Variants in PCDH17 observed in about 807,000 individuals in gnomAD.
PCDH17 encodes protocadherin-17.
Under a neutral mutation model 67.7 loss-of-function variants are expected in PCDH17, and 21 were observed. That is an observed-to-expected ratio of 0.31 (90% CI 0.22 to 0.45). The LOEUF is 0.45. Ranked by LOEUF, PCDH17 falls within the 20% of genes least tolerant of loss-of-function variation. The probability of loss-of-function intolerance (pLI) is 1.00; values close to 1 mark genes in which losing one functional copy is unlikely to be tolerated. For synonymous variants in PCDH17, 701 were observed against 656.7 expected (o/e 1.07, Z -1.03); for missense variants, 1,471 against 1,564.8 (o/e 0.94, Z 1.01).
chr13:57,686,821 A>G (rs1593927111), intron 3 of PCDH17, among the ~76,000 whole-genome samples: 2 of 152,068 alleles, frequency 1.3e-5, no homozygotes, highest in South Asian at 4.1e-4. Context: ...TCCTCGAAAT[A>G]TGGCCTATGA....
At chr13:57,655,760 C>A (rs1258810630) in intron 1 of PCDH17, among the ~76,000 whole-genome samples, 1 of 151,966 alleles carries the variant, frequency 6.6e-6, no homozygotes, top group Middle Eastern at 3.4e-3. Flanking sequence ...CACATTAAAA[C>A]AATAACATGA....
At chr13:57,643,866 G>C (rs532221768) in intron 1 of PCDH17, among the ~76,000 whole-genome samples, 3 of 151,424 alleles carry the variant, frequency 2.0e-5, no homozygotes, top group Non-Finnish European at 3.0e-5. Context: ...TTGTAATCTT[G>C]GTTGATTAAA....
intron 1 of PCDH17, among the ~76,000 whole-genome samples, chr13:57,659,205 T>G (rs1449934061): frequency 1.3e-5 from 2 of 152,118 alleles, no homozygotes; most frequent in African/African-American, 2.4e-5. Flanking sequence ...TAGCAGCATT[T>G]ACTTAAATGG....
At chr13:57,698,313 A>G (rs996105331) in intron 3 of PCDH17, among the ~76,000 whole-genome samples, 1 of 151,770 alleles carries the variant, frequency 6.6e-6, no homozygotes, top group South Asian at 2.1e-4. Flanking sequence ...TTTTTTATTC[A>G]TATGCTTAAG....
At chr13:57,672,863 G>T (rs1022572617) in intron 3 of PCDH17, among the ~76,000 whole-genome samples, 21 of 151,872 alleles carry the variant, frequency 1.4e-4, no homozygotes, top group Admixed American at 9.2e-4. Context: ...TTATTCCTGT[G>T]GCCCAATAGC....
intron 3 of PCDH17, among the ~76,000 whole-genome samples, chr13:57,680,986 G>A (rs1473020129): frequency 6.6e-6 from 1 of 151,584 alleles, no homozygotes; most frequent in Non-Finnish European, 1.5e-5. Flanking sequence ...AGTAATAATT[G>A]GTAATGTAAA....
intron 3 of PCDH17, among the ~76,000 whole-genome samples, chr13:57,695,949 A>C (rs1454017525): frequency 6.6e-6 from 1 of 151,402 alleles, no homozygotes; most frequent in Non-Finnish European, 1.5e-5. Flanking sequence ...GGTTTAGTTT[A>C]ATCAGTTGCT....
At chr13:57,698,672 A>G (rs1955634151) in intron 3 of PCDH17, among the ~76,000 whole-genome samples, 2 of 131,042 alleles carry the variant, frequency 1.5e-5, no homozygotes, top group Non-Finnish European at 3.3e-5. Flanking sequence ...AAATATTCCA[A>G]CATATTTTCT....
intron 3 of PCDH17, among the ~76,000 whole-genome samples, chr13:57,667,118 G>T (rs1158658918): frequency 1.3e-5 from 2 of 151,826 alleles, no homozygotes; most frequent in Admixed American, 6.6e-5. Flanking sequence ...TTCCTATTTG[G>T]GGTTATACTA....
At chr13:57,650,861 T>G (rs1955028349) in intron 1 of PCDH17, among the ~76,000 whole-genome samples, 1 of 152,188 alleles carries the variant, frequency 6.6e-6, no homozygotes, top group Admixed American at 6.5e-5. Context: ...TTTCCAATTC[T>G]AAAATTCAAA....
chr13:57,685,652 A>T (rs1469818336), intron 3 of PCDH17, among the ~76,000 whole-genome samples: 1 of 152,058 alleles, frequency 6.6e-6, no homozygotes, highest in East Asian at 1.9e-4. Context: ...ATGAAAATTT[A>T]TCTTACCTGT....
At chr13:57,721,619 A>G (rs1191472962) in intron 3 of PCDH17, among the ~76,000 whole-genome samples, 1 of 152,120 alleles carries the variant, frequency 6.6e-6, no homozygotes, top group Non-Finnish European at 1.5e-5. Context: ...TGTCAGAAAT[A>G]CTGTGAATAC....
Position 57,634,363 on chromosome 13 carries a change from T to G in PCDH17, c.1817T>G (p.Leu606Arg). 1 of 1,612,576 alleles carries G rather than the reference T, an allele frequency of 6.2e-7. No individual in the cohort carries two copies. The highest frequency in any genetic ancestry group is 1.1e-5 in the South Asian group (1 of 91,078). ...CCGCGCAACGCTGGCCTGGGCTATC[T>G]GGTGAGCACTGTGCGCGCCCTAGAC... ...QVPRNAGLGY[L>R]VSTVRALDSD... Residue 606 changes from leucine to arginine, a missense_variant, in exon 1 of 4, where the codon CTG becomes CGG. By Grantham distance (102) the Leu-to-Arg change is moderately radical (BLOSUM62 -2). Coordinates refer to ENST00000377918, the MANE Select transcript of PCDH17 (RefSeq NM_001040429.3). This position sits in a 1 kb window ranked among gnomAD's most constrained non-coding sequence, Gnocchi z 7.8.
chr13:57,647,333 G>A (rs1954976908), intron 1 of PCDH17, among the ~76,000 whole-genome samples: 1 of 151,786 alleles, frequency 6.6e-6, no homozygotes, highest in African/African-American at 2.4e-5. Context: ...TATGTCTTAT[G>A]CTGACCTGTT....
intron 1 of PCDH17, among the ~76,000 whole-genome samples, chr13:57,647,432 C>A (rs1337387869): frequency 6.6e-6 from 1 of 151,518 alleles, no homozygotes; most frequent in African/African-American, 2.4e-5. Context: ...ACTTTAGTAC[C>A]TTGTATATTT....
In PCDH17 at chr13:57,633,893, T is replaced by C. The variant is rs1593887532; in HGVS notation, c.1347T>C (p.Ser449=). ...CCATCGTGGCGCGGGACGGGGGCTC[T>C]CCTCCCCTCAACTCCACCAAGTCGT... is the stretch of plus-strand genomic sequence containing the variant. ...NVTIVARDGG[S]PPLNSTKSFA... is the part of the protein sequence containing the mutation. The change falls in exon 1 of 4, where the codon TCT becomes TCC. Residue 449 remains serine (S), a synonymous_variant. Coordinates refer to ENST00000377918, the MANE Select transcript of PCDH17 (RefSeq NM_001040429.3). The surrounding 1 kb of genome is among the most constrained non-coding windows in gnomAD (Gnocchi z 6.2). The C allele has an allele frequency of 6.2e-7, 1 of 1,613,112 alleles. No individual in the cohort carries two copies. Among genetic ancestry groups the C allele is most frequent in the Non-Finnish European group, 8.5e-7 (1 of 1,180,008 alleles).
chr13:57,707,679 A>T (rs1955733688), intron 3 of PCDH17, among the ~76,000 whole-genome samples: 1 of 152,022 alleles, frequency 6.6e-6, no homozygotes, highest in African/African-American at 2.4e-5. Context: ...ATTATTTCAT[A>T]GTTCTGGTGG....
At chr13:57,697,774 ATT>A (rs879888586) in intron 3 of PCDH17, among the ~76,000 whole-genome samples, 2 of 145,862 alleles carry the variant, frequency 1.4e-5, no homozygotes, top group African/African-American at 2.5e-5. Context: ...AACAAAAGTG[ATT>A]TTTTTTTTTT....
At chr13:57,642,733 T>A (rs1954920578) in intron 1 of PCDH17, among the ~76,000 whole-genome samples, 2 of 151,582 alleles carry the variant, frequency 1.3e-5, no homozygotes, top group South Asian at 4.1e-4. Flanking sequence ...CAAATTAAAA[T>A]ATATAAATGA....
Sources: gnomAD v4.1 joint callset for allele counts (sites outside exome capture counted in the v4.1 genomes callset) on GRCh38, gnomAD v4.1.1 for gene constraint, Gnocchi (gnomAD v3.1) non-coding constraint, MANE v1.5 for transcripts, NCBI Gene and HGNC (gene_info 2026-07-23, HGNC 2026-07-21) for gene names.